Variants in MUC17 observed in about 807,000 individuals in gnomAD.
The protein encoded by MUC17 is mucin-17.
A neutral mutation model predicts 170.3 loss-of-function variants in MUC17; 190 were observed. That is an observed-to-expected ratio of 1.12 (90% CI 0.99 to 1.26). MUC17 has a LOEUF of 1.26. MUC17 is among the 50% of genes most tolerant of loss of function. The pLI is 0.00. For synonymous variants in MUC17, 2,325 were observed against 2,002.5 expected (o/e 1.16, Z -4.30); for missense variants, 6,415 against 5,530.0 (o/e 1.16, Z -5.08).
At position 101,039,068 on chromosome 7, in the gene MUC17, A is replaced by C. The variant is rs768858349; in HGVS notation, c.7652A>C (p.Glu2551Ala). The C allele has an allele frequency of 6.2e-7, 1 of 1,612,674 alleles. No individual in the cohort carries two copies. Among genetic ancestry groups the C allele is most frequent in the Non-Finnish European group, 8.5e-7 (1 of 1,179,670 alleles). Reference protein sequence around the residue: ...DSNSPVVTSTEISSSATSAEG... With the variant: ...DSNSPVVTSTAISSSATSAEG... ...AACAGTCCTGTGGTCACTTCTACTG[A>C]AATCAGTTCATCTGCTACATCCGCT... The change falls in exon 3 of 13, where the codon GAA becomes GCA. Residue 2551 changes from glutamate to alanine, a missense_variant. Glu to Ala is a moderately radical substitution (Grantham distance 107, BLOSUM62 -1). Transcript: ENST00000306151.
Position 101,042,275 on chromosome 7 carries a change from C to A in MUC17, c.10859C>A (p.Pro3620His), listed in dbSNP as rs1443315608. The A allele has an allele frequency of 3.1e-6, 5 of 1,613,632 alleles. No individual in the cohort carries two copies. In the Admixed American group the frequency reaches 8.3e-5, roughly 27 times the overall value. Residue 3620 changes from proline to histidine, a missense_variant, in exon 3 of 13, where the codon CCT (proline) becomes CAT (histidine). Pro to His is a moderately conservative substitution (Grantham distance 77). Transcript: ENST00000306151. ...CAGAGCAATTCTACTCCTACACCTCCTGAAGTTATCACCCTGCCAATGTCA... is the reference window on the plus strand; with the variant it reads ...CAGAGCAATTCTACTCCTACACCTCATGAAGTTATCACCCTGCCAATGTCA... ...STQSNSTPTP[P>H]EVITLPMSTP...
Position 101,032,405 on chromosome 7 carries a change from C to T in MUC17, c.989C>T (p.Thr330Ile), listed in dbSNP as rs1794311904. ...EGTSIPTSTYTEGSTPLTSTP... is the reference protein window; with the variant it reads ...EGTSIPTSTYIEGSTPLTSTP... ...ACCAGCATACCAACCTCAACTTATA[C>T]TGAAGGAAGCACTCCATTAACAAGT... is the stretch of plus-strand genomic sequence containing the variant. The change falls in exon 3 of 13, where the codon ACT becomes ATT. Residue 330 changes from threonine (T) to isoleucine (I), a missense_variant. Coordinates refer to ENST00000306151, the MANE Select transcript of MUC17 (RefSeq NM_001040105.2). 6.2e-7 allele frequency: 1 copy of T among 1,608,454 alleles called. No homozygotes were observed.
intron 3 of MUC17, among the ~76,000 whole-genome samples, chr7:101,047,667 T>C (rs576345353): frequency 9.9e-5 from 15 of 152,144 alleles, no homozygotes; most frequent in Non-Finnish European, 1.5e-4. Context: ...CCGTCTCTAC[T>C]AAAAATACAA....
At chr7:101,057,568 C>G (rs1795069550) in intron 12 of MUC17, among the ~76,000 whole-genome samples, 1 of 152,152 alleles carries the variant, frequency 6.6e-6, no homozygotes, top group African/African-American at 2.4e-5. Context: ...CAAAGTGAGA[C>G]TCTGTTGCTA....
In MUC17 at chr7:101,038,457, C is replaced by T; in HGVS notation, c.7041C>T (p.Thr2347=). The change falls in exon 3 of 13, where the codon ACC becomes ACT. Residue 2347 remains threonine, a synonymous_variant. Transcript: ENST00000306151. The part of the protein sequence containing the change: ...NTPLTRMPVS[T]TMVASFETST... The stretch of plus-strand genomic sequence containing the variant: ...CATTAACACGTATGCCTGTCAGCAC[C>T]ACAATGGTGGCCAGTTTTGAAACAA... The T allele has an allele frequency of 1.2e-6, 2 of 1,604,550 alleles. No individual in the cohort carries two copies. The highest frequency in any genetic ancestry group is 8.5e-7 in the Non-Finnish European group (1 of 1,174,334).
rs1562807778 is a variant in MUC17 at position 101,035,200 on chromosome 7, AC to A, written c.3786del (p.Ala1263LeufsTer18). The A allele has an allele frequency of 1.3e-6, 2 of 1,582,262 alleles. No homozygotes were observed. Among genetic ancestry groups the A allele is most frequent in the Admixed American group, 1.7e-5 (1 of 59,658 alleles). On this transcript the variant is annotated frameshift_variant, in exon 3 of 13. Coordinates refer to ENST00000306151, the MANE Select transcript of MUC17 (RefSeq NM_001040105.2). LOFTEE classifies it high-confidence loss of function. ...TSAETSSSPT[T>X]AEGTSLPTST... ...TGCTGAAACCAGTTCCTCTCCTACA[AC>A]CGCTGAAGGTACCAGCTTGCCAACC...
Position 101,037,400 on chromosome 7 carries a change from C to T in MUC17, c.5984C>T (p.Thr1995Met), listed in dbSNP as rs377202743. Residue 1995 changes from threonine (T) to methionine (M), a missense_variant, in exon 3 of 13, where the codon ACG becomes ATG. By Grantham distance (81) the Thr-to-Met change is moderately conservative. Coordinates refer to ENST00000306151, the MANE Select transcript of MUC17 (RefSeq NM_001040105.2). ...TPLTSMPLST[T>M]LVVSSEASTL... is the part of the protein sequence containing the mutation. ...CTAACAAGTATGCCTCTCAGCACCA[C>T]GCTGGTGGTCAGTTCTGAGGCTAGC... 52 of 1,613,046 alleles carry T rather than the reference C, an allele frequency of 3.2e-5. No individual in the cohort carries two copies. The highest frequency in any genetic ancestry group is 1.7e-4 in the African/African-American group (13 of 74,846).
Position 101,024,738 on chromosome 7 carries a change from C to CTTT in MUC17, c.82+4539_82+4541dup, listed in dbSNP as rs35811119. 4.5e-3 allele frequency among the ~76,000 whole-genome samples: 562 copies of CTTT among 125,422 alleles called. 17 individuals are homozygous for CTTT. Among genetic ancestry groups the CTTT allele is most frequent in the African/African-American group, 0.017 (530 of 31,432 alleles). The allele number at this position is 125,422 out of a possible 152,430, so 82.3% of individuals were successfully genotyped here. On this transcript the variant is annotated intron_variant, in intron 1 of 12. Coordinates refer to ENST00000306151, the MANE Select transcript of MUC17 (RefSeq NM_001040105.2). ...AACCTCCTCCCTGCTCTGTCTCCTCCTTTTTTTTTTTTTTTTTTTTCTGAG... is the reference window on the plus strand; with the variant it reads ...AACCTCCTCCCTGCTCTGTCTCCTCCTTTTTTTTTTTTTTTTTTTTTTTCTGAG...
chr7:101,056,573 T>C (rs1370210844), intron 12 of MUC17, among the ~76,000 whole-genome samples: 1 of 152,228 alleles, frequency 6.6e-6, no homozygotes, highest in Non-Finnish European at 1.5e-5. Flanking sequence ...TAAACACACA[T>C]AAAAGTCAAA....
At chr7:101,025,563 G>A (rs1399018739) in intron 1 of MUC17, among the ~76,000 whole-genome samples, 6 of 151,698 alleles carry the variant, frequency 4.0e-5, no homozygotes, top group Admixed American at 3.9e-4. Flanking sequence ...AGGCCAAGGC[G>A]GGCGGATTGC....
At chr7:101,027,820 G>C (rs1284900223) in intron 1 of MUC17, among the ~76,000 whole-genome samples, 5 of 151,684 alleles carry the variant, frequency 3.3e-5, no homozygotes. Flanking sequence ...TGTCCAGACT[G>C]GAGTGCAGTG....
In MUC17 at chr7:101,043,286, C is replaced by T; in HGVS notation, c.11870C>T (p.Thr3957Ile). Residue 3957 changes from threonine to isoleucine, a missense_variant, in exon 3 of 13, where the codon ACA becomes ATA. Physicochemically the swap from Thr to Ile is moderately conservative, Grantham distance 89. Coordinates refer to ENST00000306151, the MANE Select transcript of MUC17 (RefSeq NM_001040105.2). ...TCTACTGCTGATGTCTTTCCTGCAACAACTGGTGCTGTATCTACCCCTGTG... is the reference window on the plus strand; with the variant it reads ...TCTACTGCTGATGTCTTTCCTGCAATAACTGGTGCTGTATCTACCCCTGTG... ...TSSTADVFPA[T>I]TGAVSTPVIT... is the part of the protein sequence containing the mutation. 2 of 1,614,200 alleles carry T rather than the reference C, an allele frequency of 1.2e-6. No homozygotes were observed. The highest frequency in any genetic ancestry group is 1.1e-5 in the South Asian group (1 of 91,084).
At chr7:101,031,264 C>G in intron 2 of MUC17, 43 bp downstream of exon 2, 1 of 1,590,294 alleles carries the variant, frequency 6.3e-7, no homozygotes. Flanking sequence ...AGGTGGCTCA[C>G]CTGCGAAAGG....
chr7:101,033,842 C>A lies in MUC17; in HGVS notation c.2426C>A (p.Thr809Lys), dbSNP rs1280458705. 6.2e-7 allele frequency: 1 copy of A among 1,613,870 alleles called. No individual in the cohort carries two copies. The highest frequency in any genetic ancestry group is 1.1e-5 in the South Asian group (1 of 91,040). Reference sequence around the variant, plus strand: ...CCTAGTGAAGGAAGTCCTTTATTAACAAGTATACCTGTCAGCATCACACCG... The same window carrying A: ...CCTAGTGAAGGAAGTCCTTTATTAAAAAGTATACCTGTCAGCATCACACCG... ...STPSEGSPLL[T>K]SIPVSITPVT... The change falls in exon 3 of 13, where the codon ACA becomes AAA. Residue 809 changes from threonine (T) to lysine (K), a missense_variant. Thr to Lys is a moderately conservative substitution (Grantham distance 78). Coordinates refer to ENST00000306151, the MANE Select transcript of MUC17 (RefSeq NM_001040105.2).
At position 101,051,794 on chromosome 7, in the gene MUC17, C is replaced by T. The variant is rs577734791; in HGVS notation, c.12944-9C>T. On this transcript the variant is annotated splice_polypyrimidine_tract_variant and intron_variant, in intron 8 of 12. Coordinates refer to ENST00000306151, the MANE Select transcript of MUC17 (RefSeq NM_001040105.2). ...CACGGCTGTTCCCTGTCCCTGCACC[C>T]CCCACCAGAGGACTGCCGGAAGATG... The T allele has an allele frequency of 1.1e-5, 18 of 1,612,436 alleles. No individual in the cohort carries two copies. The South Asian group carries it at 2.0e-4, about 18-fold the overall frequency.
Position 101,058,199 on chromosome 7 carries a change from A to C in MUC17, c.*155A>C, listed in dbSNP as rs1359379351. ...CTTACCAAGGAGAAAGAGGAGAGAC[A>C]GCAGTGCTGGGAGATTCTCAAATAG... is the stretch of plus-strand genomic sequence containing the variant. On this transcript the variant is annotated 3_prime_UTR_variant, in exon 13 of 13. Transcript: ENST00000306151. The C allele has an allele frequency of 4.9e-6, 3 of 610,870 alleles. No individual in the cohort carries two copies. Among genetic ancestry groups the C allele is most frequent in the Non-Finnish European group, 8.6e-6 (3 of 348,420 alleles). The allele number at this position is 610,870 out of a possible 1,614,324, so 37.8% of individuals were successfully genotyped here.
intron 3 of MUC17, among the ~76,000 whole-genome samples, chr7:101,044,211 C>T (rs899631550): frequency 1.3e-5 from 2 of 152,056 alleles, no homozygotes; most frequent in African/African-American, 2.4e-5. Context: ...ATGGAGTGAA[C>T]AGGCAACCTA....
In MUC17 at chr7:101,037,390, C is replaced by A. The variant is rs751045652; in HGVS notation, c.5974C>A (p.Leu1992Ile). ...EGSTPLTSMPLSTTLVVSSEA... is the reference protein window; with the variant it reads ...EGSTPLTSMPISTTLVVSSEA... ...AAGCACTCCACTAACAAGTATGCCTCTCAGCACCACGCTGGTGGTCAGTTC... is the reference window on the plus strand; with the variant it reads ...AAGCACTCCACTAACAAGTATGCCTATCAGCACCACGCTGGTGGTCAGTTC... Residue 1992 changes from leucine to isoleucine, a missense_variant, in exon 3 of 13, where the codon CTC becomes ATC. Leu to Ile is a conservative substitution (Grantham distance 5, BLOSUM62 2). Transcript: ENST00000306151. The A allele has an allele frequency of 6.2e-7, 1 of 1,612,456 alleles. No homozygotes were observed. The highest frequency in any genetic ancestry group is 8.5e-7 in the Non-Finnish European group (1 of 1,179,284).
At chr7:101,052,176 T>C (rs1584877381) in intron 9 of MUC17, among the ~76,000 whole-genome samples, 1 of 152,126 alleles carries the variant, frequency 6.6e-6, no homozygotes, top group South Asian at 2.1e-4. Flanking sequence ...AGCCTAACCA[T>C]GTCCTCTCTG....
Sources: allele counts gnomAD v4.1 joint callset (sites outside exome capture counted in the v4.1 genomes callset), GRCh38; gene constraint gnomAD v4.1.1; transcripts MANE v1.5; gene names NCBI Gene and HGNC (gene_info 2026-07-23, HGNC 2026-07-21).